The following NLRP8 variants were observed in gnomAD, a reference collection of about 807,000 sequenced individuals.
The protein encoded by NLRP8 is NACHT, LRR and PYD domains-containing protein 8.
NLRP8 carries 86 observed loss-of-function variants against 88.7 expected under a neutral mutation model. The observed-to-expected ratio is 0.97, with a 90% confidence interval of 0.81 to 1.16. The LOEUF is 1.16. NLRP8 is among the 50% of genes most tolerant of loss of function. The pLI is 0.00. For synonymous variants in NLRP8, 504 were observed against 494.6 expected (o/e 1.02, Z -0.25); for missense variants, 1,342 against 1,286.5 (o/e 1.04, Z -0.66).
At chr19:55,973,580 T>G in intron 6 of NLRP8, 72 bp from the exon 7 acceptor site, 2 of 1,383,184 alleles carry the variant, frequency 1.4e-6, no homozygotes, top group Non-Finnish European at 2.0e-6. Flanking sequence ...GAGCCCTGAC[T>G]GAGAAGATCA....
chr19:55,985,718 A>G (rs1258409364), intron 9 of NLRP8, among the ~76,000 whole-genome samples: 2 of 152,162 alleles, frequency 1.3e-5, no homozygotes, highest in Non-Finnish European at 2.9e-5. Flanking sequence ...TTCAAATGGA[A>G]TTTTCAAACA....
chr19:55,953,790 G>GA (rs1979203750), intron 2 of NLRP8, among the ~76,000 whole-genome samples: 3 of 110,284 alleles, frequency 2.7e-5, no homozygotes, highest in African/African-American at 7.3e-5. Flanking sequence ...ACTGTGCCTG[G>GA]CCTTTTTTTT....
intron 8 of NLRP8, 81 bp from the exon 9 acceptor site, chr19:55,979,313 C>T: frequency 6.8e-7 from 1 of 1,476,218 alleles, no homozygotes; most frequent in Non-Finnish European, 9.4e-7. Context: ...GATTTCTTGG[C>T]TGTAAGCCGT....
intron 6 of NLRP8, 37 bp from the exon 7 acceptor site, chr19:55,973,615 C>T (rs376627703): frequency 1.6e-5 from 25 of 1,545,116 alleles, no homozygotes; most frequent in Non-Finnish European, 2.1e-5. Flanking sequence ...ACAAAGACCC[C>T]TCTCCATTCA....
At chr19:55,973,292 A>AT (rs201587204) in intron 6 of NLRP8, among the ~76,000 whole-genome samples, 2,914 of 150,876 alleles carry the variant, frequency 0.019, 84 homozygotes, top group East Asian at 0.055. Context: ...TTTTGATGGG[A>AT]TTTTTTTTTC....
At chr19:55,973,594 T>A in intron 6 of NLRP8, 58 bp from the exon 7 acceptor site, 1 of 1,468,664 alleles carries the variant, frequency 6.8e-7, no homozygotes, top group East Asian at 2.3e-5. Flanking sequence ...AAGATCACCC[T>A]TCTGTGTGAG....
intron 8 of NLRP8, among the ~76,000 whole-genome samples, chr19:55,978,008 A>G (rs1165902211): frequency 6.6e-6 from 1 of 152,122 alleles, no homozygotes; most frequent in African/African-American, 2.4e-5. Flanking sequence ...GTAGAAAAGA[A>G]CTTTCTACAC....
intron 2 of NLRP8, among the ~76,000 whole-genome samples, chr19:55,954,172 G>C (rs1250258649): frequency 6.6e-6 from 1 of 152,150 alleles, no homozygotes; most frequent in Non-Finnish European, 1.5e-5. Flanking sequence ...CTATCTGTGA[G>C]GCAAGAAATA....
At chr19:55,986,022 T>C (rs1433882855) in intron 9 of NLRP8, among the ~76,000 whole-genome samples, 1 of 151,894 alleles carries the variant, frequency 6.6e-6, no homozygotes, top group Non-Finnish European at 1.5e-5. Context: ...AATAAATACA[T>C]GGGACTTTAT....
intron 8 of NLRP8, among the ~76,000 whole-genome samples, chr19:55,977,620 C>T (rs1021679031): frequency 6.7e-6 from 1 of 149,236 alleles, no homozygotes; most frequent in Non-Finnish European, 1.5e-5. Context: ...TCTTTGCTAA[C>T]ATGTATACCA....
intron 4 of NLRP8, among the ~76,000 whole-genome samples, chr19:55,962,498 T>A (rs1979659066): frequency 6.6e-6 from 1 of 152,230 alleles, no homozygotes; most frequent in African/African-American, 2.4e-5. Flanking sequence ...TAGTGACATT[T>A]GCACCAACTT....
intron 3 of NLRP8, among the ~76,000 whole-genome samples, chr19:55,956,612 T>A (rs944056313): frequency 3.3e-5 from 5 of 152,158 alleles, no homozygotes; most frequent in Non-Finnish European, 7.4e-5. Flanking sequence ...TGTCCCAGTT[T>A]GTTTAGGATT....
At chr19:55,985,233 G>A (rs1232362475) in intron 9 of NLRP8, among the ~76,000 whole-genome samples, 1 of 152,084 alleles carries the variant, frequency 6.6e-6, no homozygotes, top group Non-Finnish European at 1.5e-5. Flanking sequence ...AACTGGGGAG[G>A]CGGAGGTTGC....
chr19:55,967,772 T>C (rs1979907479), intron 5 of NLRP8, among the ~76,000 whole-genome samples: 1 of 152,248 alleles, frequency 6.6e-6, no homozygotes, highest in African/African-American at 2.4e-5. Context: ...CATTCAGGAA[T>C]TTCATGAGCC....
At chr19:55,957,543 A>C (rs2123192882) in intron 3 of NLRP8, among the ~76,000 whole-genome samples, 1 of 151,628 alleles carries the variant, frequency 6.6e-6, no homozygotes, top group Non-Finnish European at 1.5e-5. Context: ...AAAATTAGCC[A>C]GGCATGGTGG....
At position 55,954,694 on chromosome 19, in the gene NLRP8, T is replaced by G; in HGVS notation, c.636T>G (p.Pro212=). 4 of 1,614,138 alleles carry G rather than the reference T, an allele frequency of 2.5e-6. No homozygotes were observed. Among genetic ancestry groups the G allele is most frequent in the Non-Finnish European group, 3.4e-6 (4 of 1,180,010 alleles). Reference sequence around the variant, plus strand: ...AGACCGTGGCCATACAGGGAGCTCCTGGGATCGGAAAAACAATCCTGGCCA... The same window carrying G: ...AGACCGTGGCCATACAGGGAGCTCCGGGGATCGGAAAAACAATCCTGGCCA... The change falls in exon 3 of 10, where the codon CCT becomes CCG. Residue 212 remains proline, a synonymous_variant. Coordinates refer to ENST00000291971, the MANE Select transcript of NLRP8 (RefSeq NM_176811.2).
intron 4 of NLRP8, among the ~76,000 whole-genome samples, chr19:55,965,801 C>T (rs1979810290): frequency 6.6e-6 from 1 of 150,430 alleles, no homozygotes; most frequent in South Asian, 2.1e-4. Flanking sequence ...GCTATCCCTC[C>T]CCTAGCCCCC....
rs1436665616 is a variant in NLRP8, at chr19:55,988,519, A to G, written c.*606A>G. 6.7e-6 allele frequency: 1 copy of G among 149,998 alleles called. No individual in the cohort carries two copies. Among genetic ancestry groups the G allele is most frequent in the Non-Finnish European group, 1.5e-5 (1 of 67,728 alleles). 9.3% of individuals were successfully genotyped at this position (149,998 alleles called of 1,614,324 possible). A position where few individuals can be genotyped will look rare whatever the true frequency, so the allele number is the denominator to read the frequency against. On this transcript the variant is annotated 3_prime_UTR_variant, in exon 10 of 10. Transcript: ENST00000291971. Reference sequence around the variant, plus strand: ...CTTTGAGTCACCTAAGACAGGATATAGACAAAGTCTTCATCGTCTTCTTGC... The same window carrying G: ...CTTTGAGTCACCTAAGACAGGATATGGACAAAGTCTTCATCGTCTTCTTGC...
chr19:55,958,716 G>T (rs1979479841), intron 3 of NLRP8, among the ~76,000 whole-genome samples: 1 of 152,114 alleles, frequency 6.6e-6, no homozygotes, highest in Non-Finnish European at 1.5e-5. Context: ...TTTATTTATT[G>T]TCTTATTATT....
Sources: allele counts gnomAD v4.1 joint callset (sites outside exome capture counted in the v4.1 genomes callset), GRCh38; gene constraint gnomAD v4.1.1; transcripts MANE v1.5; gene names NCBI Gene and HGNC (gene_info 2026-07-23, HGNC 2026-07-21).